Variants in TMEM132B observed in about 807,000 individuals in gnomAD.
The protein encoded by TMEM132B is transmembrane protein 132B.
In TMEM132B, 18 loss-of-function variants were observed where a neutral mutation model predicts 90.8. The ratio of observed to expected loss-of-function variants is 0.20; its 90% CI spans 0.14 to 0.29. The LOEUF (loss-of-function observed/expected upper bound fraction) is 0.29, where lower values mean the gene tolerates loss of function less well. Among genes scored for constraint, TMEM132B ranks in the 10% least tolerant of loss-of-function variants. The pLI is 1.00. For synonymous variants in TMEM132B, 504 were observed against 523.3 expected (o/e 0.96, Z 0.50); for missense variants, 1,096 against 1,326.8 (o/e 0.83, Z 2.70).
chr12:125,187,048 G>A (rs1007139647), intron 1 of TMEM132B, among the ~76,000 whole-genome samples, 182 bp downstream of exon 1: 1 of 152,152 alleles, frequency 6.6e-6, no homozygotes, highest in Non-Finnish European at 1.5e-5. Flanking sequence ...CCTGGGGAGA[G>A]CCCGCCTGCC....
intron 4 of TMEM132B, among the ~76,000 whole-genome samples, chr12:125,561,672 G>A (rs1052917213): frequency 5.3e-5 from 8 of 151,750 alleles, no homozygotes; most frequent in South Asian, 2.1e-4. Flanking sequence ...GTGACTGTGC[G>A]TTATCAATAA....
At chr12:125,635,487 C>T (rs1334751908) in intron 5 of TMEM132B, among the ~76,000 whole-genome samples, 1 of 152,142 alleles carries the variant, frequency 6.6e-6, no homozygotes, top group Admixed American at 6.5e-5. Flanking sequence ...TTTCTTATGC[C>T]TTCATAGTAT....
At chr12:125,227,740 T>C (rs750817359) in intron 1 of TMEM132B, among the ~76,000 whole-genome samples, 2 of 152,148 alleles carry the variant, frequency 1.3e-5, no homozygotes, top group Non-Finnish European at 2.9e-5. Flanking sequence ...GGTCCAGCAT[T>C]CCACGATTGA....
intron 1 of TMEM132B, among the ~76,000 whole-genome samples, chr12:125,188,560 C>G (rs1957774073): frequency 6.7e-6 from 1 of 148,756 alleles, no homozygotes; most frequent in African/African-American, 2.5e-5. Flanking sequence ...GTCCCCCGCC[C>G]TCTCCCCCAG....
chr12:125,296,393 A>C (rs879879357), intron 1 of TMEM132B, among the ~76,000 whole-genome samples: 1 of 152,056 alleles, frequency 6.6e-6, no homozygotes, highest in Non-Finnish European at 1.5e-5. Context: ...CTCTGCCCAG[A>C]TCCCGTCTTC....
intron 3 of TMEM132B, among the ~76,000 whole-genome samples, chr12:125,500,304 G>T (rs1882665146): frequency 6.6e-6 from 1 of 152,212 alleles, no homozygotes; most frequent in Non-Finnish European, 1.5e-5. Context: ...CAGGCTGGGG[G>T]AATCTCTGGT....
intron 1 of TMEM132B, among the ~76,000 whole-genome samples, chr12:125,210,684 G>C (rs1873299507): frequency 6.6e-6 from 1 of 152,108 alleles, no homozygotes; most frequent in Non-Finnish European, 1.5e-5. Flanking sequence ...AAAATAGAGG[G>C]CTGGTGTGGT....
intron 3 of TMEM132B, among the ~76,000 whole-genome samples, chr12:125,504,282 C>T (rs1037534202): frequency 3.9e-5 from 6 of 152,176 alleles, no homozygotes; most frequent in Non-Finnish European, 8.8e-5. Flanking sequence ...GGGCTTCTCC[C>T]AACTCTGCTA....
At chr12:125,381,573 T>C (rs1290429868) in intron 2 of TMEM132B, among the ~76,000 whole-genome samples, 2 of 152,216 alleles carry the variant, frequency 1.3e-5, no homozygotes, top group Non-Finnish European at 2.9e-5. Flanking sequence ...GCCTTGGTGA[T>C]AGCGCCTAGC....
intron 1 of TMEM132B, among the ~76,000 whole-genome samples, chr12:125,241,785 T>G (rs1874074484): frequency 1.3e-5 from 2 of 152,174 alleles, no homozygotes; most frequent in African/African-American, 4.8e-5. Flanking sequence ...CTAACACAGT[T>G]TCTAAAGCTC....
intron 1 of TMEM132B, among the ~76,000 whole-genome samples, chr12:125,342,651 C>G (rs1211422258): frequency 6.6e-6 from 1 of 152,148 alleles, no homozygotes; most frequent in African/African-American, 2.4e-5. Context: ...TGTCTGCTTC[C>G]CATTTGCTCC....
chr12:125,302,150 A>T (rs1875844106), intron 1 of TMEM132B, among the ~76,000 whole-genome samples: 2 of 152,050 alleles, frequency 1.3e-5, no homozygotes, highest in Admixed American at 1.3e-4. Context: ...CAGTGAGCTG[A>T]GATTGTGCTG....
chr12:125,291,796 A>G (rs532205715), intron 1 of TMEM132B, among the ~76,000 whole-genome samples: 1 of 152,354 alleles, frequency 6.6e-6, no homozygotes, highest in East Asian at 1.9e-4. Flanking sequence ...TATCCATAAC[A>G]TAAATGTGCC....
chr12:125,640,388 C>T (rs1318704310), intron 5 of TMEM132B, among the ~76,000 whole-genome samples: 1 of 152,182 alleles, frequency 6.6e-6, no homozygotes, highest in Non-Finnish European at 1.5e-5. Flanking sequence ...TAGAAAACCA[C>T]TTATGAAGGA....
At chr12:125,396,806 G>A (rs1176801421) in intron 2 of TMEM132B, among the ~76,000 whole-genome samples, 1 of 152,104 alleles carries the variant, frequency 6.6e-6, no homozygotes, top group Non-Finnish European at 1.5e-5. Context: ...ACCACACCTG[G>A]CCAGTACTGT....
At chr12:125,509,078 C>T (rs1882916542) in intron 3 of TMEM132B, among the ~76,000 whole-genome samples, 2 of 152,098 alleles carry the variant, frequency 1.3e-5, no homozygotes, top group African/African-American at 4.8e-5. Flanking sequence ...GCCATCACAC[C>T]CAGCCAGTAA....
chr12:125,563,347 G>A (rs1396775725), intron 4 of TMEM132B, among the ~76,000 whole-genome samples: 1 of 152,040 alleles, frequency 6.6e-6, no homozygotes, highest in Non-Finnish European at 1.5e-5. Context: ...GGTGGCTCAC[G>A]CCTGTAATCC....
At chr12:125,563,566 AAAACAAACAAAC>A (rs55666916) in intron 4 of TMEM132B, among the ~76,000 whole-genome samples, 12 of 145,584 alleles carry the variant, frequency 8.2e-5, no homozygotes, top group African/African-American at 2.1e-4. Context: ...CTCTGTCTCA[AAAACAAACAAAC>A]AAACAAACAA....
intron 5 of TMEM132B, among the ~76,000 whole-genome samples, chr12:125,622,202 G>A (rs1343966294): frequency 6.6e-6 from 1 of 152,100 alleles, no homozygotes; most frequent in Non-Finnish European, 1.5e-5. Flanking sequence ...CCTCCTTAAA[G>A]TTCCATCCCA....
Sources: allele counts gnomAD v4.1 joint callset (sites outside exome capture counted in the v4.1 genomes callset), GRCh38; gene constraint gnomAD v4.1.1; transcripts MANE v1.5; gene names NCBI Gene and HGNC (gene_info 2026-07-23, HGNC 2026-07-21).